Variants in PCDHGA11 observed in about 807,000 individuals in gnomAD.
PCDHGA11 encodes the protein protocadherin gamma-A11.
Under a neutral mutation model 60.4 loss-of-function variants are expected in PCDHGA11, and 39 were observed. The observed-to-expected ratio is 0.65, with a 90% CI of 0.50 to 0.84. The LOEUF (loss-of-function observed/expected upper bound fraction) is 0.84. Among genes scored for constraint, PCDHGA11 ranks in the 40% least tolerant of loss-of-function variants. The pLI is 0.00. For missense variants in PCDHGA11, 1,165 were observed against 1,197.7 expected, an observed-to-expected ratio of 0.97 and a Z score of 0.40; for synonymous variants, 533 against 510.3, an observed-to-expected ratio of 1.04 and a Z score of -0.60.
chr5:141,423,505 C>G lies in PCDHGA11; in HGVS notation c.2278C>G (p.Leu760Val). 6.2e-7 allele frequency: 1 copy of G among 1,613,932 alleles called. No homozygotes were observed. Among genetic ancestry groups the G allele is most frequent in the Non-Finnish European group, 8.5e-7 (1 of 1,179,860 alleles). ...GCAAACCTATTCCCACGAGGTCTCT[C>G]TCATTGCGGACTCGCAGAAGAGTCA... ...FLQTYSHEVSLIADSQKSHLI... is the reference protein window; with the variant it reads ...FLQTYSHEVSVIADSQKSHLI... Residue 760 changes from leucine to valine, a missense_variant, in exon 1 of 4, where the codon CTC becomes GTC. Transcript: ENST00000398587.
Position 141,491,889 on chromosome 5 carries a change from C to T in PCDHGA11, c.2434-2918C>T, listed in dbSNP as rs2099734763. On this transcript the variant is annotated intron_variant, in intron 1 of 3. Transcript: ENST00000398587. The surrounding 1 kb of genome is among the most constrained non-coding windows in gnomAD (Gnocchi z 6.9). ...GAGTGGCCGATTAAGGGATGGGGCT[C>T]CGAGCACCGGGGGTGGTGGCGACTG... 11 of 1,441,360 alleles carry T rather than the reference C, an allele frequency of 7.6e-6. No individual in the cohort carries two copies. Among genetic ancestry groups the T allele is most frequent in the Non-Finnish European group, 1.0e-5 (11 of 1,090,600 alleles). 89.3% of individuals were successfully genotyped at this position (1,441,360 alleles called of 1,614,324 possible).
At chr5:141,454,721 A>G (rs2098797156) in intron 1 of PCDHGA11, among the ~76,000 whole-genome samples, 1 of 146,810 alleles carries the variant, frequency 6.8e-6, no homozygotes, top group South Asian at 2.2e-4. Flanking sequence ...ATTCCATATT[A>G]TATGTTATAG....
chr5:141,439,150 G>A (rs971023726), intron 1 of PCDHGA11, among the ~76,000 whole-genome samples: 7 of 149,122 alleles, frequency 4.7e-5, no homozygotes, highest in South Asian at 2.1e-4. Flanking sequence ...CTGAGATCAC[G>A]CCACTGCACT....
rs1298454674 is a variant in PCDHGA11, at chr5:141,438,625, TATATATATATAC to T, written c.2433+14967_2433+14978del. 7.7e-3 allele frequency among the ~76,000 whole-genome samples: 357 copies of T among 46,390 alleles called. 5 individuals are homozygous for T. The East Asian group carries it at 0.082, about 11-fold the overall frequency. 30.4% of individuals were successfully genotyped at this position (46,390 alleles called of 152,430 possible). A position where few individuals can be genotyped will look rare whatever the true frequency, so the allele number is the denominator to read the frequency against. On this transcript the variant is annotated intron_variant, in intron 1 of 3. Transcript: ENST00000398587. ...ATATATATATATATATATATATATATATATATATATACACACACACACACACATATATGTATA... is the reference window on the plus strand; with the variant it reads ...ATATATATATATATATATATATATATACACACACACACACATATATGTATA...
intron 1 of PCDHGA11, among the ~76,000 whole-genome samples, chr5:141,442,917 G>A (rs1041756930): frequency 6.6e-6 from 1 of 152,178 alleles, no homozygotes; most frequent in Non-Finnish European, 1.5e-5. Context: ...GCACACAACT[G>A]TTTCATTTTC....
chr5:141,492,487 C>T (rs1031047955), intron 1 of PCDHGA11, among the ~76,000 whole-genome samples: 1 of 152,222 alleles, frequency 6.6e-6, no homozygotes, highest in Non-Finnish European at 1.5e-5. Context: ...CGCCCAGGAC[C>T]AGGCGAGGAC....
chr5:141,503,222 G>T (rs540244346), intron 2 of PCDHGA11, among the ~76,000 whole-genome samples: 1 of 152,120 alleles, frequency 6.6e-6, no homozygotes, highest in East Asian at 1.9e-4. Context: ...CATGAGCACC[G>T]TAAAGATGGA....
chr5:141,496,499 G>A (rs1417059875), intron 2 of PCDHGA11, among the ~76,000 whole-genome samples: 1 of 152,102 alleles, frequency 6.6e-6, no homozygotes, highest in Non-Finnish European at 1.5e-5. Context: ...AACCCTTGTT[G>A]CCACAAGGAC....
intron 1 of PCDHGA11, among the ~76,000 whole-genome samples, chr5:141,456,745 A>T (rs573105679): frequency 6.6e-6 from 1 of 151,920 alleles, no homozygotes; most frequent in South Asian, 2.1e-4. Context: ...CGGGAGCATC[A>T]TGAGGTCAGG....
At chr5:141,503,004 C>T (rs114294610) in intron 2 of PCDHGA11, among the ~76,000 whole-genome samples, 5,013 of 145,894 alleles carry the variant, frequency 0.034, 127 homozygotes, top group South Asian at 0.076. Context: ...CCACCATGCC[C>T]GGTTAATTTT....
rs187177915 is a variant in PCDHGA11 at position 141,472,338 on chromosome 5, G to A, written c.2434-22469G>A. ...AGGCAGATCACGAGGTTGGGAGATC[G>A]AGACCATCCTGGCTAACACGGTGAA... On this transcript the variant is annotated intron_variant, in intron 1 of 3. Transcript: ENST00000398587. Among the ~76,000 whole-genome samples, 23 of 151,526 alleles carry A rather than the reference G, an allele frequency of 1.5e-4. No homozygotes were observed. The East Asian group carries it at 3.2e-3, about 21-fold the overall frequency.
Position 141,490,772 on chromosome 5 carries a change from C to T in PCDHGA11, c.2434-4035C>T. ...GCCTCCTCCTTTGTGTATGTCAACC[C>T]AGAGGATGGACGGATCTTTGCCCAG... On this transcript the variant is annotated intron_variant, in intron 1 of 3. Coordinates refer to ENST00000398587, the MANE Select transcript of PCDHGA11 (RefSeq NM_018914.3). This position sits in a 1 kb window ranked among gnomAD's most constrained non-coding sequence, Gnocchi z 5.4. 6.2e-7 allele frequency: 1 copy of T among 1,614,164 alleles called. No homozygotes were observed. The highest frequency in any genetic ancestry group is 1.1e-5 in the South Asian group (1 of 91,082).
Position 141,487,246 on chromosome 5 carries a change from C to T in PCDHGA11, c.2434-7561C>T. 1 of 1,614,166 alleles carries T rather than the reference C, an allele frequency of 6.2e-7. No individual in the cohort carries two copies. The highest frequency in any genetic ancestry group is 8.5e-7 in the Non-Finnish European group (1 of 1,180,014). ...GGGAAGGAGAATCTCGTCTAACCCTCTACTTGGCTGTGTCCCTAGTGGCAA... is the reference window on the plus strand; with the variant it reads ...GGGAAGGAGAATCTCGTCTAACCCTTTACTTGGCTGTGTCCCTAGTGGCAA... On this transcript the variant is annotated intron_variant, in intron 1 of 3. Coordinates refer to ENST00000398587, the MANE Select transcript of PCDHGA11 (RefSeq NM_018914.3). This position sits in a 1 kb window ranked among gnomAD's most constrained non-coding sequence, Gnocchi z 5.0.
Position 141,432,126 on chromosome 5 carries a change from C to A in PCDHGA11, c.2433+8466C>A. 6.2e-7 allele frequency: 1 copy of A among 1,614,144 alleles called. No homozygotes were observed. Among genetic ancestry groups the A allele is most frequent in the South Asian group, 1.1e-5 (1 of 91,058 alleles). ...AACCCGCCGGTCTTCCCTCAGGCCT[C>A]CTATTCCGCTTATATCCCAGAGAAC... On this transcript the variant is annotated intron_variant, in intron 1 of 3. Transcript: ENST00000398587. The surrounding 1 kb of genome is among the most constrained non-coding windows in gnomAD (Gnocchi z 6.0).
In PCDHGA11 at chr5:141,491,797, G is replaced by T. The variant is rs537755017; in HGVS notation, c.2434-3010G>T. The stretch of plus-strand genomic sequence containing the variant: ...ATTGAACTTGCATCCACTCCTCTCC[G>T]GCCGGCTTGGTCGCTGGCTGCGCTC... On this transcript the variant is annotated intron_variant, in intron 1 of 3. Coordinates refer to ENST00000398587, the MANE Select transcript of PCDHGA11 (RefSeq NM_018914.3). The surrounding 1 kb of genome is among the most constrained non-coding windows in gnomAD (Gnocchi z 6.9). 2.0e-6 allele frequency: 3 copies of T among 1,506,818 alleles called. No homozygotes were observed. The highest frequency in any genetic ancestry group is 2.4e-5 in the Admixed American group (1 of 41,734). 93.3% of individuals were successfully genotyped at this position (1,506,818 alleles called of 1,614,324 possible). A position where few individuals can be genotyped will look rare whatever the true frequency, so the allele number is the denominator to read the frequency against.
chr5:141,445,975 G>A (rs1279186740), intron 1 of PCDHGA11, among the ~76,000 whole-genome samples: 1 of 152,124 alleles, frequency 6.6e-6, no homozygotes, highest in Non-Finnish European at 1.5e-5. Flanking sequence ...TGATTTATGA[G>A]GGTTATAAAT....
intron 2 of PCDHGA11, among the ~76,000 whole-genome samples, chr5:141,499,265 C>T (rs1220250999): frequency 6.6e-6 from 1 of 152,128 alleles, no homozygotes; most frequent in African/African-American, 2.4e-5. Context: ...CATTTGGTCC[C>T]TAGACTGTTC....
chr5:141,503,777 G>A (rs2099830497), intron 2 of PCDHGA11, among the ~76,000 whole-genome samples: 1 of 152,074 alleles, frequency 6.6e-6, no homozygotes, highest in South Asian at 2.1e-4. Context: ...TCTGTTCTTA[G>A]GCTGAGTTCA....
At chr5:141,498,980 GGAAGGAA>G in intron 2 of PCDHGA11, among the ~76,000 whole-genome samples, 1 of 44,970 alleles carries the variant, frequency 2.2e-5, no homozygotes, top group South Asian at 1.0e-3. Context: ...AGGGAAGGAA[GGAAGGAA>G]GGAAGGAAGG....
Sources: gnomAD v4.1 joint callset for allele counts (sites outside exome capture counted in the v4.1 genomes callset) on GRCh38, gnomAD v4.1.1 for gene constraint, Gnocchi (gnomAD v3.1) non-coding constraint, MANE v1.5 for transcripts, NCBI Gene and HGNC (gene_info 2026-07-23, HGNC 2026-07-21) for gene names.